The following LRP1B variants were observed in gnomAD, a reference collection of about 807,000 sequenced individuals.
LRP1B encodes LDL receptor related protein 1B.
In LRP1B, 217 loss-of-function variants were observed where a neutral mutation model predicts 556.6. The observed-to-expected ratio is 0.39, with a 90% CI of 0.35 to 0.44. The LOEUF is 0.44. Among genes scored for constraint, LRP1B ranks in the 20% least tolerant of loss-of-function variants. The pLI is 1.00. For synonymous variants in LRP1B, 2,047 were observed against 1,865.8 expected, an observed-to-expected ratio of 1.10 and a Z score of -2.50; for missense variants, 5,053 against 5,620.8, an observed-to-expected ratio of 0.90 and a Z score of 3.23.
intron 7 of LRP1B, among the ~76,000 whole-genome samples, chr2:141,173,195 T>C (rs1490536149): frequency 6.6e-6 from 1 of 152,066 alleles, no homozygotes; most frequent in Non-Finnish European, 1.5e-5. Context: ...ACCATTCTTA[T>C]CTAGCATTTG....
At chr2:140,714,581 T>A (rs1687146219) in intron 37 of LRP1B, among the ~76,000 whole-genome samples, 1 of 152,156 alleles carries the variant, frequency 6.6e-6, no homozygotes, top group African/African-American at 2.4e-5. Context: ...ATAATATAAA[T>A]GGACTTATTG....
chr2:141,730,878 A>C (rs1417361429), intron 2 of LRP1B, among the ~76,000 whole-genome samples: 1 of 152,168 alleles, frequency 6.6e-6, no homozygotes, highest in Non-Finnish European at 1.5e-5. Flanking sequence ...GGGGAACCCC[A>C]CAGTTTCCTG....
At chr2:140,828,257 A>G (rs2105068784) in intron 31 of LRP1B, among the ~76,000 whole-genome samples, 1 of 152,324 alleles carries the variant, frequency 6.6e-6, no homozygotes, top group African/African-American at 2.4e-5. Flanking sequence ...TGGCAGTAGT[A>G]AGTCCTTACT....
At chr2:141,952,605 C>T (rs1011195404) in intron 1 of LRP1B, among the ~76,000 whole-genome samples, 5 of 152,012 alleles carry the variant, frequency 3.3e-5, no homozygotes, top group African/African-American at 7.2e-5. Flanking sequence ...TTAGGAGACA[C>T]ACATTGAAAT....
At chr2:140,303,132 GTTTAT>G (rs1047083189) in intron 83 of LRP1B, among the ~76,000 whole-genome samples, 19 of 146,358 alleles carry the variant, frequency 1.3e-4, no homozygotes, top group Admixed American at 1.2e-3. Context: ...ATGGAGATTA[GTTTAT>G]TTATACAATT....
At chr2:141,776,461 T>C (rs189097685) in intron 2 of LRP1B, among the ~76,000 whole-genome samples, 1 of 152,352 alleles carries the variant, frequency 6.6e-6, no homozygotes, top group East Asian at 1.9e-4. Context: ...TGATATTGTT[T>C]TGTGGATGTT....
At chr2:141,234,743 A>G (rs1403410061) in intron 5 of LRP1B, among the ~76,000 whole-genome samples, 1 of 152,214 alleles carries the variant, frequency 6.6e-6, no homozygotes, top group Non-Finnish European at 1.5e-5. Flanking sequence ...AATATGTAAT[A>G]TTAACAGAAA....
intron 84 of LRP1B, among the ~76,000 whole-genome samples, chr2:140,282,870 C>CT (rs1197400417): frequency 6.6e-6 from 1 of 151,770 alleles, no homozygotes; most frequent in African/African-American, 2.4e-5. Flanking sequence ...TCAAGGTGAT[C>CT]TATTCATTAT....
At chr2:140,629,382 A>G (rs778365953) in intron 41 of LRP1B, among the ~76,000 whole-genome samples, 1 of 152,030 alleles carries the variant, frequency 6.6e-6, no homozygotes. Context: ...GTAGTTATTT[A>G]TAGCAATTCC....
At chr2:140,365,892 G>A (rs1383097916) in intron 71 of LRP1B, among the ~76,000 whole-genome samples, 1 of 151,682 alleles carries the variant, frequency 6.6e-6, no homozygotes, top group Non-Finnish European at 1.5e-5. Flanking sequence ...TAAAAGCCTA[G>A]AAAATGCCTA....
At chr2:140,903,423 T>C (rs530524572) in intron 22 of LRP1B, among the ~76,000 whole-genome samples, 3 of 152,178 alleles carry the variant, frequency 2.0e-5, no homozygotes, top group South Asian at 2.1e-4. Context: ...GGGAGTATAG[T>C]TTGCTTTGCC....
intron 1 of LRP1B, among the ~76,000 whole-genome samples, chr2:141,987,738 T>C (rs1465435743): frequency 1.3e-5 from 2 of 152,020 alleles, no homozygotes; most frequent in East Asian, 1.9e-4. Context: ...AATAATACTT[T>C]ACATTTTTTA....
rs371246858 is a variant in LRP1B, at chr2:141,634,025, C to T, written c.206-153492G>A. On this transcript the variant is annotated intron_variant, in intron 2 of 90. Coordinates refer to ENST00000389484, the MANE Select transcript of LRP1B (RefSeq NM_018557.3). ...TATACGTGAGTAATTATTTCCCACACAGCAATGCTTTCTTTTTTTTTTCAA... is the reference window on the plus strand; with the variant it reads ...TATACGTGAGTAATTATTTCCCACATAGCAATGCTTTCTTTTTTTTTTCAA... Among the ~76,000 whole-genome samples, 42 of 150,892 alleles carry T rather than the reference C, an allele frequency of 2.8e-4. 1 individual carries two copies. The South Asian group carries it at 8.7e-3, about 31-fold the overall frequency.
intron 6 of LRP1B, among the ~76,000 whole-genome samples, chr2:141,200,652 C>T (rs112282999): frequency 1.2e-3 from 182 of 152,176 alleles, no homozygotes; most frequent in Middle Eastern, 3.4e-3. Context: ...CACGCGGTGA[C>T]TCATCCCCAT....
At chr2:140,799,957 G>A (rs1690449871) in intron 32 of LRP1B, among the ~76,000 whole-genome samples, 1 of 152,112 alleles carries the variant, frequency 6.6e-6, no homozygotes, top group African/African-American at 2.4e-5. Flanking sequence ...GCAGGGTGAG[G>A]CATTGCCTCA....
intron 41 of LRP1B, among the ~76,000 whole-genome samples, chr2:140,646,806 A>G (rs1159069671): frequency 6.6e-6 from 1 of 152,074 alleles, no homozygotes; most frequent in Non-Finnish European, 1.5e-5. Flanking sequence ...AAATACATAC[A>G]TATGTGATAT....
rs192390688 is a variant in LRP1B, at chr2:141,355,680, T to A, written c.344-101039A>T. 3.8e-3 allele frequency among the ~76,000 whole-genome samples: 574 copies of A among 152,058 alleles called. 4 individuals carry two copies. The highest frequency in any genetic ancestry group is 0.013 in the African/African-American group (547 of 41,418). On this transcript the variant is annotated intron_variant, in intron 3 of 90. Coordinates refer to ENST00000389484, the MANE Select transcript of LRP1B (RefSeq NM_018557.3). ...AAATTAAAAATTAAAACTCCAAACA[T>A]CAGACCAAAAGTCAAATTAATGAAC...
In LRP1B at chr2:141,961,767, G is replaced by C. The variant is rs1701410004; in HGVS notation, c.83-151366C>G. Among the ~76,000 whole-genome samples, 4 of 151,638 alleles carry C rather than the reference G, an allele frequency of 2.6e-5. No individual in the cohort carries two copies. In the East Asian group the frequency reaches 7.8e-4, roughly 30 times the overall value. ...ATTTGAAATGGTGTAATGTATATTT[G>C]CCTTTAAAAAATTTAGATCTCTGTT... On this transcript the variant is annotated intron_variant, in intron 1 of 90. Coordinates refer to ENST00000389484, the MANE Select transcript of LRP1B (RefSeq NM_018557.3).
At chr2:141,218,265 C>T (rs1235046316) in intron 6 of LRP1B, among the ~76,000 whole-genome samples, 2 of 152,148 alleles carry the variant, frequency 1.3e-5, no homozygotes, top group African/African-American at 2.4e-5. Flanking sequence ...ACTATTCAAC[C>T]TAGTGATCCC....
Sources: gnomAD v4.1 joint callset for allele counts (sites outside exome capture counted in the v4.1 genomes callset) on GRCh38, gnomAD v4.1.1 for gene constraint, MANE v1.5 for transcripts, NCBI Gene and HGNC (gene_info 2026-07-23, HGNC 2026-07-21) for gene names.